PCDH17: variants seen among roughly 807,000 people sequenced by gnomAD.
The protein encoded by PCDH17 is protocadherin-17.
In PCDH17, 21 loss-of-function variants were observed where a neutral mutation model predicts 67.7. The ratio of observed to expected loss-of-function variants is 0.31; its 90% CI spans 0.22 to 0.45. The LOEUF is 0.45. PCDH17 is among the 20% of genes least tolerant of loss of function. The pLI is 1.00. For missense variants in PCDH17, 1,471 were observed against 1,564.8 expected (o/e 0.94, Z 1.01); for synonymous variants, 701 against 656.7 (o/e 1.07, Z -1.03).
At chr13:57,707,787 G>A (rs917236927) in intron 3 of PCDH17, among the ~76,000 whole-genome samples, 14 of 151,952 alleles carry the variant, frequency 9.2e-5, no homozygotes, top group Admixed American at 2.6e-4. Context: ...AGCAATCTTA[G>A]ACACACACTT....
intron 1 of PCDH17, among the ~76,000 whole-genome samples, chr13:57,654,824 T>C (rs1221018613): frequency 6.6e-6 from 1 of 152,002 alleles, no homozygotes; most frequent in Non-Finnish European, 1.5e-5. Flanking sequence ...CAGAAAATGA[T>C]AACTATCATA....
chr13:57,659,996 G>T (rs1482919102), intron 1 of PCDH17, among the ~76,000 whole-genome samples: 1 of 152,100 alleles, frequency 6.6e-6, no homozygotes, highest in Non-Finnish European at 1.5e-5. Context: ...ACTTTGGGAG[G>T]CCGAGTCGGG....
At chr13:57,666,560 C>T in intron 2 of PCDH17, 34 bp downstream of exon 2, 2 of 1,609,824 alleles carry the variant, frequency 1.2e-6, no homozygotes, top group Non-Finnish European at 1.7e-6. Context: ...CTCAGCTTCC[C>T]CATTTGCATT....
intron 3 of PCDH17, among the ~76,000 whole-genome samples, chr13:57,674,829 A>G (rs1399641516): frequency 1.2e-4 from 18 of 151,974 alleles, no homozygotes; most frequent in Admixed American, 1.1e-3. Flanking sequence ...GCATGTTCCA[A>G]TATTAGAAGT....
chr13:57,714,586 T>C (rs1955802513), intron 3 of PCDH17, among the ~76,000 whole-genome samples: 1 of 151,736 alleles, frequency 6.6e-6, no homozygotes, highest in Non-Finnish European at 1.5e-5. Flanking sequence ...GGGTCTGAAA[T>C]TCACAGTATT....
rs901993140 is a variant in PCDH17, at chr13:57,666,715, G to A, written c.2679G>A (p.Gly893=). The change falls in exon 3 of 4, where the codon GGG becomes GGA. Residue 893 remains glycine (G), a synonymous_variant. Coordinates refer to ENST00000377918, the MANE Select transcript of PCDH17 (RefSeq NM_001040429.3). ...CCAGCCTGAGAGACAGTGGGCACGG[G>A]GACAGTGATCAGGCTGACAGTGACC... ...ERASLRDSGH[G]DSDQADSDQD... is the part of the protein sequence containing the mutation. 3.1e-6 allele frequency: 5 copies of A among 1,613,606 alleles called. No individual in the cohort carries two copies. Among genetic ancestry groups the A allele is most frequent in the Non-Finnish European group, 4.2e-6 (5 of 1,179,776 alleles).
At chr13:57,631,015 C>T (rs1954712341), upstream of PCDH17, among the ~76,000 whole-genome samples, 1 of 152,110 alleles carries the variant, frequency 6.6e-6, no homozygotes, top group South Asian at 2.1e-4. Flanking sequence ...GCGGCCGCAG[C>T]TCTGCACCCC....
intron 3 of PCDH17, among the ~76,000 whole-genome samples, chr13:57,705,828 C>G (rs938785883): frequency 6.6e-6 from 1 of 151,852 alleles, no homozygotes; most frequent in Non-Finnish European, 1.5e-5. Context: ...CCAGCCTGAC[C>G]CACATGGAGA....
intron 3 of PCDH17, among the ~76,000 whole-genome samples, chr13:57,668,659 A>T (rs1358667574): frequency 1.3e-5 from 2 of 152,108 alleles, no homozygotes; most frequent in Non-Finnish European, 1.5e-5. Flanking sequence ...TATTTAAAAA[A>T]TGCCAAAGAT....
chr13:57,688,340 G>A (rs1955526466), intron 3 of PCDH17, among the ~76,000 whole-genome samples: 1 of 151,712 alleles, frequency 6.6e-6, no homozygotes, highest in Admixed American at 6.6e-5. Flanking sequence ...AAAAAACTTT[G>A]GGAAAAATTG....
chr13:57,724,202 A>G (rs1006844764), intron 3 of PCDH17, among the ~76,000 whole-genome samples: 3 of 152,224 alleles, frequency 2.0e-5, no homozygotes, highest in African/African-American at 7.2e-5. Flanking sequence ...GAAGTTTGCA[A>G]TCCAGTTTTT....
chr13:57,725,307 A>AC lies in PCDH17; in HGVS notation c.*13_*14insC, dbSNP rs1955907130. On this transcript the variant is annotated 3_prime_UTR_variant, in exon 4 of 4. Transcript: ENST00000377918. ...TGTGAGAAAGTGAAAAAAGAAAAAA[A>AC]AAAAGGCATTGGCATTTTCTTGTCT... 2 of 1,586,496 alleles carry AC rather than the reference A, an allele frequency of 1.3e-6. No individual in the cohort carries two copies. The highest frequency in any genetic ancestry group is 2.3e-5 in the South Asian group (2 of 87,152).
At chr13:57,699,287 T>C (rs111766200) in intron 3 of PCDH17, among the ~76,000 whole-genome samples, 2 of 152,046 alleles carry the variant, frequency 1.3e-5, no homozygotes, top group African/African-American at 2.4e-5. Flanking sequence ...ATCTTTGTTT[T>C]TATATCCCCA....
rs952334498 is a variant in PCDH17 at position 57,725,310 on chromosome 13, A to T, written c.*16A>T. 6.3e-7 allele frequency: 1 copy of T among 1,584,100 alleles called. No homozygotes were observed. Among genetic ancestry groups the T allele is most frequent in the African/African-American group, 1.4e-5 (1 of 72,732 alleles). On this transcript the variant is annotated 3_prime_UTR_variant, in exon 4 of 4. Transcript: ENST00000377918. ...GAGAAAGTGAAAAAAGAAAAAAAAA[A>T]AGGCATTGGCATTTTCTTGTCTCTT...
Position 57,666,715 on chromosome 13 carries a change from G to T in PCDH17, c.2679G>T (p.Gly893=). 6.2e-6 allele frequency: 10 copies of T among 1,613,724 alleles called. No homozygotes were observed. Among genetic ancestry groups the T allele is most frequent in the Non-Finnish European group, 8.5e-6 (10 of 1,179,768 alleles). ...CCAGCCTGAGAGACAGTGGGCACGG[G>T]GACAGTGATCAGGCTGACAGTGACC... ...ERASLRDSGH[G]DSDQADSDQD... is the part of the protein sequence containing the mutation. The change falls in exon 3 of 4, where the codon GGG becomes GGT. Residue 893 remains glycine (G), a synonymous_variant. Coordinates refer to ENST00000377918, the MANE Select transcript of PCDH17 (RefSeq NM_001040429.3).
rs1192269407 is a variant in PCDH17, at chr13:57,633,815, G to C, written c.1269G>C (p.Thr423=). ...KLEENYDNFY[T]VVTDRPLDRE... ...AGGAGAACTACGACAACTTCTACAC[G>C]GTGGTGACTGACCGCCCGCTGGACC... The change falls in exon 1 of 4, where the codon ACG becomes ACC. Residue 423 remains threonine, a synonymous_variant. Coordinates refer to ENST00000377918, the MANE Select transcript of PCDH17 (RefSeq NM_001040429.3). This position sits in a 1 kb window ranked among gnomAD's most constrained non-coding sequence, Gnocchi z 6.2. The C allele has an allele frequency of 1.2e-6, 2 of 1,611,404 alleles. No homozygotes were observed. The highest frequency in any genetic ancestry group is 2.7e-5 in the African/African-American group (2 of 74,924).
At chr13:57,645,690 T>A (rs1954956876) in intron 1 of PCDH17, among the ~76,000 whole-genome samples, 1 of 150,962 alleles carries the variant, frequency 6.6e-6, no homozygotes, top group African/African-American at 2.4e-5. Flanking sequence ...TATATATAAT[T>A]GTATATGGTA....
intron 3 of PCDH17, among the ~76,000 whole-genome samples, chr13:57,719,614 T>G (rs1955856635): frequency 6.6e-6 from 1 of 152,022 alleles, no homozygotes. Context: ...TTTCCCTAAG[T>G]GGTCACAAAT....
chr13:57,688,267 T>C (rs1955525818), intron 3 of PCDH17, among the ~76,000 whole-genome samples: 1 of 151,962 alleles, frequency 6.6e-6, no homozygotes, highest in South Asian at 2.1e-4. Context: ...ATCACAAGAC[T>C]GCACTCCAAC....
Sources: allele counts gnomAD v4.1 joint callset (sites outside exome capture counted in the v4.1 genomes callset), GRCh38; gene constraint gnomAD v4.1.1; non-coding constraint Gnocchi (gnomAD v3.1); transcripts MANE v1.5; gene names NCBI Gene and HGNC (gene_info 2026-07-23, HGNC 2026-07-21).